Variants in SLC44A5 observed in about 807,000 individuals in gnomAD.
The protein encoded by SLC44A5 is choline transporter-like protein 5.
A neutral mutation model predicts 101.8 loss-of-function variants in SLC44A5; 57 were observed. The ratio of observed to expected loss-of-function variants is 0.56; its 90% confidence interval spans 0.45 to 0.70. SLC44A5 has a LOEUF of 0.70. Ranked by LOEUF, SLC44A5 falls within the 30% of genes least tolerant of loss-of-function variation. The pLI, the probability that SLC44A5 is intolerant of heterozygous loss-of-function variation, is 0.00. For missense variants in SLC44A5, 737 were observed against 853.1 expected (o/e 0.86, Z 1.70); for synonymous variants, 281 against 290.9 (o/e 0.97, Z 0.35).
At chr1:75,386,079 A>G (rs1313497610) in intron 3 of SLC44A5, among the ~76,000 whole-genome samples, 3 of 152,094 alleles carry the variant, frequency 2.0e-5, no homozygotes, top group South Asian at 2.1e-4. Context: ...AGAGCTATCT[A>G]TGACAAACCC....
chr1:75,240,206 T>C (rs1234534645), intron 9 of SLC44A5, among the ~76,000 whole-genome samples: 1 of 152,224 alleles, frequency 6.6e-6, no homozygotes, highest in Non-Finnish European at 1.5e-5. Flanking sequence ...CTACAGTAAA[T>C]ATTTTTTGAG....
intron 3 of SLC44A5, among the ~76,000 whole-genome samples, chr1:75,375,117 T>A (rs1212800541): frequency 6.6e-6 from 1 of 152,078 alleles, no homozygotes; most frequent in Non-Finnish European, 1.5e-5. Flanking sequence ...ACTCAAAAAA[T>A]GATCCAAGTA....
chr1:75,694,715 A>G, the SLC44A5 span, among the ~76,000 whole-genome samples: 1 of 152,202 alleles, frequency 6.6e-6, no homozygotes, highest in African/African-American at 2.4e-5. Flanking sequence ...TAAATGTGTA[A>G]TTGATAGAAA....
chr1:75,698,550 G>A, the SLC44A5 span, among the ~76,000 whole-genome samples: 106 of 152,294 alleles, frequency 7.0e-4, 2 homozygotes, highest in African/African-American at 2.0e-3. Flanking sequence ...ACAAAGATGC[G>A]GAAAAAACAG....
At chr1:75,595,433 C>A (rs1042977077) in intron 1 of SLC44A5, among the ~76,000 whole-genome samples, 1 of 134,660 alleles carries the variant, frequency 7.4e-6, no homozygotes, top group Non-Finnish European at 1.6e-5. Flanking sequence ...GATCATGGAA[C>A]CAACTTTTTC....
At chr1:75,615,390 G>C (rs1371311364), upstream of SLC44A5, among the ~76,000 whole-genome samples, 1 of 149,488 alleles carries the variant, frequency 6.7e-6, no homozygotes, top group Non-Finnish European at 1.5e-5. Flanking sequence ...GAATAGAAGA[G>C]ACCATGAAAA....
the SLC44A5 span, chr1:75,677,703 A>T: frequency 4.7e-6 from 2 of 425,766 alleles, no homozygotes; most frequent in Non-Finnish European, 9.2e-6. Flanking sequence ...CATAAAAAAA[A>T]CAAGACCCAG....
the SLC44A5 span, among the ~76,000 whole-genome samples, chr1:75,651,649 A>T: frequency 6.9e-6 from 1 of 144,554 alleles, no homozygotes; most frequent in Non-Finnish European, 1.5e-5. Flanking sequence ...GTGAGTCAAG[A>T]TCGCGCCATT....
chr1:75,326,099 T>A (rs1273608952), intron 4 of SLC44A5, among the ~76,000 whole-genome samples: 1 of 56,478 alleles, frequency 1.8e-5, no homozygotes, highest in Admixed American at 2.3e-4. Flanking sequence ...TCTCTCCGTG[T>A]GTGTGTGTGT....
At chr1:75,271,497 T>TTTTTTTTTTTTTTTG (rs1553152601) in intron 6 of SLC44A5, among the ~76,000 whole-genome samples, 13 of 146,400 alleles carry the variant, frequency 8.9e-5, no homozygotes, top group African/African-American at 3.3e-4. Context: ...TCTGCATGTT[T>TTTTTTTTTTTTTTTG]TGTGTGTGTG....
At position 75,541,469 on chromosome 1, in the gene SLC44A5, C is replaced by T. The variant is rs1671352998; in HGVS notation, c.-22G>A. On this transcript the variant is annotated 5_prime_UTR_variant, in exon 2 of 24. Transcript: ENST00000370859. The stretch of plus-strand genomic sequence containing the variant: ...TCATTGAGATAAAAGGCTGTCTCTT[C>T]AGAAGTAGGCCTGAATCACTGCAAA... 3 of 1,611,516 alleles carry T rather than the reference C, an allele frequency of 1.9e-6. No homozygotes were observed. Among genetic ancestry groups the T allele is most frequent in the East Asian group, 4.5e-5 (2 of 44,802 alleles).
chr1:75,542,027 ACT>A (rs1480305167), intron 1 of SLC44A5, among the ~76,000 whole-genome samples: 2 of 152,052 alleles, frequency 1.3e-5, no homozygotes, highest in African/African-American at 4.8e-5. Flanking sequence ...ATGGCATATC[ACT>A]CTATAAAAAT....
At chr1:75,253,285 T>C (rs1009102610) in intron 6 of SLC44A5, among the ~76,000 whole-genome samples, 1 of 152,170 alleles carries the variant, frequency 6.6e-6, no homozygotes, top group Admixed American at 6.6e-5. Context: ...GAGTCAAACC[T>C]GAGCTTGGGG....
chr1:75,285,916 A>G (rs1570576136), intron 5 of SLC44A5, among the ~76,000 whole-genome samples: 1 of 152,010 alleles, frequency 6.6e-6, no homozygotes, highest in East Asian at 1.9e-4. Context: ...AGAATGTTCC[A>G]TGTGCTGTGG....
chr1:75,508,665 C>T (rs1570478220), intron 2 of SLC44A5, among the ~76,000 whole-genome samples: 1 of 152,040 alleles, frequency 6.6e-6, no homozygotes, highest in South Asian at 2.1e-4. Flanking sequence ...AACAAGATGA[C>T]ATTACAACCA....
chr1:75,494,343 A>G (rs1668566072), intron 2 of SLC44A5, among the ~76,000 whole-genome samples: 1 of 152,182 alleles, frequency 6.6e-6, no homozygotes, highest in African/African-American at 2.4e-5. Context: ...CAATGATAAA[A>G]TCAAACCCCC....
chr1:75,698,450 T>C, the SLC44A5 span, among the ~76,000 whole-genome samples: 1 of 152,132 alleles, frequency 6.6e-6, no homozygotes, highest in African/African-American at 2.4e-5. Context: ...GTCCTGTCTG[T>C]TAGAAGGAAA....
chr1:75,250,828 C>CA (rs1231376004), intron 7 of SLC44A5, among the ~76,000 whole-genome samples: 4 of 152,084 alleles, frequency 2.6e-5, no homozygotes, highest in Non-Finnish European at 5.9e-5. Flanking sequence ...GTTATATGGT[C>CA]AAAAAATAAA....
chr1:75,322,930 C>T (rs1445307121), intron 4 of SLC44A5, among the ~76,000 whole-genome samples: 1 of 152,098 alleles, frequency 6.6e-6, no homozygotes, highest in African/African-American at 2.4e-5. Context: ...ACCAAATAAA[C>T]TCTAATGTTC....
Sources: allele counts gnomAD v4.1 joint callset (sites outside exome capture counted in the v4.1 genomes callset), GRCh38; gene constraint gnomAD v4.1.1; transcripts MANE v1.5; gene names NCBI Gene and HGNC (gene_info 2026-07-23, HGNC 2026-07-21).